Variants in IDNK observed in about 807,000 individuals in gnomAD.
IDNK encodes the protein gluconokinase.
IDNK carries 9 observed loss-of-function variants against 13.0 expected under a neutral mutation model. The ratio of observed to expected loss-of-function variants is 0.69; its 90% CI spans 0.42 to 1.21. IDNK has a LOEUF of 1.21. Ranked by LOEUF, IDNK falls within the 50% of genes most tolerant of loss-of-function variation. The pLI is 0.00. For synonymous variants in IDNK, 92 were observed against 94.9 expected (o/e 0.97, Z 0.18); for missense variants, 210 against 237.8 (o/e 0.88, Z 0.77).
chr9:83,632,557 CAAAAAAAA>C (rs61214533), intron 3 of IDNK, among the ~76,000 whole-genome samples: 4 of 78,562 alleles, frequency 5.1e-5, no homozygotes, highest in Non-Finnish European at 9.4e-5. Flanking sequence ...AGCTGATGAG[CAAAAAAAA>C]AAAAAAAAAA....
chr9:83,633,496 A>G (rs1042731458), intron 3 of IDNK, among the ~76,000 whole-genome samples: 1 of 152,162 alleles, frequency 6.6e-6, no homozygotes, highest in African/African-American at 2.4e-5. Context: ...CACCATTCAT[A>G]TTTATCCCCA....
chr9:83,628,081 C>A, intron 1 of IDNK, 100 bp from the exon 2 acceptor site: 2 of 1,533,276 alleles, frequency 1.3e-6, no homozygotes, highest in South Asian at 1.2e-5. Flanking sequence ...TGTTTAAATT[C>A]CTGCTAAGGC....
At chr9:83,639,443 T>C (rs1470302144) in intron 3 of IDNK, among the ~76,000 whole-genome samples, 1 of 152,168 alleles carries the variant, frequency 6.6e-6, no homozygotes, top group Admixed American at 6.5e-5. Context: ...GAAAACAAAC[T>C]GGGCACATGT....
At chr9:83,624,716 TG>T (rs1830801020) in intron 1 of IDNK, among the ~76,000 whole-genome samples, 1 of 139,302 alleles carries the variant, frequency 7.2e-6, no homozygotes, top group Non-Finnish European at 1.6e-5. Flanking sequence ...GTTTTTTTTT[TG>T]TTTTGTTTTG....
intron 3 of IDNK, among the ~76,000 whole-genome samples, chr9:83,638,715 C>T (rs916679132): frequency 6.6e-6 from 1 of 151,986 alleles, no homozygotes; most frequent in Non-Finnish European, 1.5e-5. Flanking sequence ...ACAATAAAGG[C>T]CCAAACAAAA....
At chr9:83,632,805 A>G (rs1831059180) in intron 3 of IDNK, among the ~76,000 whole-genome samples, 2 of 152,312 alleles carry the variant, frequency 1.3e-5, no homozygotes, top group South Asian at 2.1e-4. Context: ...TATTGTCCAC[A>G]GTAACTGTCT....
intron 3 of IDNK, among the ~76,000 whole-genome samples, chr9:83,636,106 T>C (rs1485276935): frequency 1.3e-5 from 2 of 152,154 alleles, no homozygotes; most frequent in African/African-American, 2.4e-5. Context: ...GTGAATGTAG[T>C]AGAAAAGCTT....
intron 3 of IDNK, among the ~76,000 whole-genome samples, chr9:83,634,216 C>A (rs1221939491): frequency 6.6e-6 from 1 of 152,222 alleles, no homozygotes; most frequent in African/African-American, 2.4e-5. Context: ...TTATTTCCAA[C>A]CCTCTCTATT....
chr9:83,631,179 G>C (rs1266454652), intron 3 of IDNK, among the ~76,000 whole-genome samples: 1 of 151,636 alleles, frequency 6.6e-6, no homozygotes. Context: ...CCCTGTGAAT[G>C]GATTAAAGCG....
At chr9:83,632,105 T>G (rs1247075888) in intron 3 of IDNK, among the ~76,000 whole-genome samples, 1 of 152,226 alleles carries the variant, frequency 6.6e-6, no homozygotes, top group Non-Finnish European at 1.5e-5. Flanking sequence ...ATCTATGAAT[T>G]GAATTTTGGA....
At position 83,628,220 on chromosome 9, in the gene IDNK, C is replaced by CT; in HGVS notation, c.81+9_81+10insT. 6.5e-7 allele frequency: 1 copy of CT among 1,548,088 alleles called. No individual in the cohort carries two copies. ...CCCTGCTGGCATCTGAGGTTAGTAA[C>CT]CTGTCCTAATGCCTTCCGAGTGCTT... On this transcript the variant is annotated intron_variant, in intron 2 of 4. Transcript: ENST00000376419.
intron 1 of IDNK, among the ~76,000 whole-genome samples, chr9:83,625,899 A>G (rs1830836014): frequency 6.6e-6 from 1 of 152,230 alleles, no homozygotes; most frequent in African/African-American, 2.4e-5. Flanking sequence ...TAGATACTAA[A>G]TACTTGTTGA....
chr9:83,642,603 T>C (rs1158820597), intron 4 of IDNK, among the ~76,000 whole-genome samples: 1 of 150,958 alleles, frequency 6.6e-6, no homozygotes, highest in East Asian at 1.9e-4. Flanking sequence ...CTTCAGAACT[T>C]TCATTCTGAA....
chr9:83,633,616 T>C (rs1026927702), intron 3 of IDNK, among the ~76,000 whole-genome samples: 5 of 152,224 alleles, frequency 3.3e-5, no homozygotes, highest in Non-Finnish European at 7.3e-5. Flanking sequence ...GAGTTGGAAA[T>C]AAGTACTGTT....
intron 3 of IDNK, among the ~76,000 whole-genome samples, chr9:83,638,328 T>C (rs939424774): frequency 1.1e-4 from 17 of 152,080 alleles, no homozygotes; most frequent in Admixed American, 6.5e-4. Context: ...GATTAAACAA[T>C]AAACTAGTAC....
chr9:83,642,204 G>A (rs908222523), intron 4 of IDNK, among the ~76,000 whole-genome samples: 11 of 152,180 alleles, frequency 7.2e-5, no homozygotes, highest in African/African-American at 1.2e-4. Flanking sequence ...TGGTCGGGAC[G>A]TGGAGAAGGA....
intron 3 of IDNK, among the ~76,000 whole-genome samples, chr9:83,633,817 CTG>C (rs1017379807): frequency 6.6e-6 from 1 of 152,196 alleles, no homozygotes; most frequent in Non-Finnish European, 1.5e-5. Flanking sequence ...ACTTCTCCTA[CTG>C]TGTTAAAGGC....
intron 1 of IDNK, among the ~76,000 whole-genome samples, chr9:83,624,280 T>C (rs1729754748): frequency 6.6e-6 from 1 of 152,226 alleles, no homozygotes. Context: ...TGTTGCTGTC[T>C]GGCTGTGTGA....
intron 3 of IDNK, among the ~76,000 whole-genome samples, chr9:83,634,163 A>T (rs569476944): frequency 2.0e-5 from 3 of 152,334 alleles, no homozygotes; most frequent in African/African-American, 7.2e-5. Flanking sequence ...ATTATGATTC[A>T]CTATTTGGAA....
Sources: allele counts gnomAD v4.1 joint callset (sites outside exome capture counted in the v4.1 genomes callset), GRCh38; gene constraint gnomAD v4.1.1; transcripts MANE v1.5; gene names NCBI Gene and HGNC (gene_info 2026-07-23, HGNC 2026-07-21).